The following CACNA2D3 variants were observed in gnomAD, a reference collection of about 807,000 sequenced individuals.
CACNA2D3 encodes the protein voltage-dependent calcium channel subunit alpha-2/delta-3.
Under a neutral mutation model 160.6 loss-of-function variants are expected in CACNA2D3, and 60 were observed. The ratio of observed to expected loss-of-function variants is 0.37; its 90% CI spans 0.30 to 0.46. The LOEUF (loss-of-function observed/expected upper bound fraction) is 0.46. Among genes scored for constraint, CACNA2D3 ranks in the 20% least tolerant of loss-of-function variants. The pLI is 1.00. For synonymous variants in CACNA2D3, 558 were observed against 492.9 expected, an observed-to-expected ratio of 1.13 and a Z score of -1.75; for missense variants, 1,205 against 1,365.0, an observed-to-expected ratio of 0.88 and a Z score of 1.85.
chr3:54,843,596 T>A (rs1349377897), intron 16 of CACNA2D3, among the ~76,000 whole-genome samples: 1 of 152,152 alleles, frequency 6.6e-6, no homozygotes, highest in Non-Finnish European at 1.5e-5. Flanking sequence ...GTCTTACATA[T>A]GAAAGGGGTT....
intron 2 of CACNA2D3, among the ~76,000 whole-genome samples, chr3:54,157,816 G>A (rs1231761137): frequency 8.2e-5 from 8 of 98,132 alleles, no homozygotes; most frequent in Non-Finnish European, 1.3e-4. Flanking sequence ...AGCAAAAAAA[G>A]CAAAAAAACC....
chr3:54,426,467 C>T (rs1333804313), intron 4 of CACNA2D3, among the ~76,000 whole-genome samples: 1 of 152,188 alleles, frequency 6.6e-6, no homozygotes, highest in Non-Finnish European at 1.5e-5. Flanking sequence ...AAATTTACCA[C>T]CAGTTATTCC....
chr3:54,928,902 G>A (rs1701107591), intron 27 of CACNA2D3, among the ~76,000 whole-genome samples: 1 of 152,146 alleles, frequency 6.6e-6, no homozygotes, highest in East Asian at 1.9e-4. Flanking sequence ...AAGCTTCAGG[G>A]AACTTTCCCA....
chr3:54,602,864 G>A (rs1468950938), intron 9 of CACNA2D3, among the ~76,000 whole-genome samples: 3 of 152,082 alleles, frequency 2.0e-5, no homozygotes, highest in Admixed American at 6.6e-5. Flanking sequence ...CTGACCACTG[G>A]AAGAGGCAAC....
intron 11 of CACNA2D3, among the ~76,000 whole-genome samples, chr3:54,743,110 A>G (rs1559566274): frequency 6.6e-6 from 1 of 152,232 alleles, no homozygotes; most frequent in Non-Finnish European, 1.5e-5. Flanking sequence ...TTAATTTCCC[A>G]AATTTGTGAA....
intron 5 of CACNA2D3, among the ~76,000 whole-genome samples, chr3:54,534,440 C>T (rs774944845): frequency 1.6e-4 from 25 of 152,118 alleles, no homozygotes; most frequent in Non-Finnish European, 2.4e-4. Context: ...CCTGCTCACT[C>T]GGAGCTGTTC....
chr3:54,303,874 T>C lies in CACNA2D3; in HGVS notation c.205-16568T>C, dbSNP rs7429107. On this transcript the variant is annotated intron_variant, in intron 2 of 37. Transcript: ENST00000474759. Reference sequence around the variant, plus strand: ...GTGCTGCTCAGCGGGAGGGATTGCCTTGTGGGGCTGCAAGAACCTCTCCAT... The same window carrying C: ...GTGCTGCTCAGCGGGAGGGATTGCCCTGTGGGGCTGCAAGAACCTCTCCAT... 1.1e-3 allele frequency among the ~76,000 whole-genome samples: 151 copies of C among 141,674 alleles called. No individual in the cohort carries two copies. The Middle Eastern group carries it at 0.016, about 15-fold the overall frequency. 92.9% of individuals were successfully genotyped at this position (141,674 alleles called of 152,430 possible).
At chr3:54,165,780 A>G (rs1700443819) in intron 2 of CACNA2D3, among the ~76,000 whole-genome samples, 1 of 152,092 alleles carries the variant, frequency 6.6e-6, no homozygotes, top group South Asian at 2.1e-4. Context: ...CTTGGGTGAC[A>G]GAATGAGACC....
intron 2 of CACNA2D3, among the ~76,000 whole-genome samples, chr3:54,188,002 C>T (rs576132852): frequency 2.7e-4 from 41 of 152,106 alleles, no homozygotes; most frequent in African/African-American, 9.2e-4. Flanking sequence ...GCACTCTTAT[C>T]AAAGAGAGTC....
chr3:54,807,323 T>C (rs1039962011), intron 13 of CACNA2D3, among the ~76,000 whole-genome samples: 1 of 152,012 alleles, frequency 6.6e-6, no homozygotes. Context: ...AGGGCTAATA[T>C]CCAGAATCTA....
chr3:54,289,294 A>G (rs1234019481), intron 2 of CACNA2D3, among the ~76,000 whole-genome samples: 3 of 151,892 alleles, frequency 2.0e-5, no homozygotes, highest in Non-Finnish European at 2.9e-5. Context: ...TCATGAGTGA[A>G]CTCCCATTCA....
chr3:54,640,791 T>C (rs959539724), intron 10 of CACNA2D3, among the ~76,000 whole-genome samples: 9 of 152,238 alleles, frequency 5.9e-5, no homozygotes, highest in African/African-American at 2.2e-4. Context: ...TTTTATTATA[T>C]GCTGCATTCT....
At chr3:54,866,989 A>G (rs1699415756) in intron 17 of CACNA2D3, among the ~76,000 whole-genome samples, 1 of 151,750 alleles carries the variant, frequency 6.6e-6, no homozygotes, top group African/African-American at 2.4e-5. Flanking sequence ...AACAGGCACC[A>G]AAAACTACAA....
rs143289582 is a variant in CACNA2D3, at chr3:54,244,091, C to T, written c.205-76351C>T. The stretch of plus-strand genomic sequence containing the variant: ...CCCCCCAGTCCTTCTCAACATAGAG[C>T]GATGTTGGGAGGAATTGGAGAAGTC... On this transcript the variant is annotated intron_variant, in intron 2 of 37. Coordinates refer to ENST00000474759, the MANE Select transcript of CACNA2D3 (RefSeq NM_018398.3). 3.0e-4 allele frequency among the ~76,000 whole-genome samples: 45 copies of T among 152,258 alleles called. No individual in the cohort carries two copies. The East Asian group carries it at 7.7e-3, about 26-fold the overall frequency.
chr3:54,822,845 T>TTTCC, intron 14 of CACNA2D3, among the ~76,000 whole-genome samples: 1 of 136,794 alleles, frequency 7.3e-6, no homozygotes, highest in East Asian at 2.1e-4. Flanking sequence ...TCTTTCTTTC[T>TTTCC]TTCTTTCTTT....
chr3:54,176,686 A>T (rs1191272129), intron 2 of CACNA2D3, among the ~76,000 whole-genome samples: 3 of 152,092 alleles, frequency 2.0e-5, no homozygotes, highest in Non-Finnish European at 1.5e-5. Context: ...TTTTCTTTTG[A>T]CATATTTATA....
intron 21 of CACNA2D3, among the ~76,000 whole-genome samples, chr3:54,884,967 A>G (rs1650901659): frequency 6.6e-6 from 1 of 152,158 alleles, no homozygotes; most frequent in Admixed American, 6.5e-5. Context: ...GAGTGTTTCT[A>G]AAGTCCTGTT....
intron 4 of CACNA2D3, among the ~76,000 whole-genome samples, chr3:54,473,549 A>G (rs1241028795): frequency 6.6e-6 from 1 of 152,236 alleles, no homozygotes; most frequent in African/African-American, 2.4e-5. Context: ...TAATTAAACT[A>G]AACAGCTTCT....
intron 11 of CACNA2D3, among the ~76,000 whole-genome samples, chr3:54,651,783 C>T (rs1037836518): frequency 3.3e-5 from 5 of 152,062 alleles, no homozygotes; most frequent in Non-Finnish European, 5.9e-5. Flanking sequence ...TTTACCGTGG[C>T]GCCTCTGAGG....
Sources: allele counts gnomAD v4.1 joint callset (sites outside exome capture counted in the v4.1 genomes callset), GRCh38; gene constraint gnomAD v4.1.1; transcripts MANE v1.5; gene names NCBI Gene and HGNC (gene_info 2026-07-23, HGNC 2026-07-21).